Variants in GRHL2 observed in about 807,000 individuals in gnomAD.
GRHL2 encodes the protein grainyhead-like protein 2 homolog.
A neutral mutation model predicts 83.8 loss-of-function variants in GRHL2; 21 were observed. The ratio of observed to expected loss-of-function variants is 0.25; its 90% CI spans 0.18 to 0.36. GRHL2 has a LOEUF of 0.36. Among genes scored for constraint, GRHL2 ranks in the 10% least tolerant of loss-of-function variants. The pLI, the probability that GRHL2 is intolerant of heterozygous loss-of-function variation, is 1.00. For synonymous variants in GRHL2, 280 were observed against 278.9 expected, an observed-to-expected ratio of 1.00 and a Z score of -0.04; for missense variants, 623 against 781.8, an observed-to-expected ratio of 0.80 and a Z score of 2.42.
chr8:101,672,046 C>G (rs918520613), downstream of GRHL2, among the ~76,000 whole-genome samples: 6 of 151,712 alleles, frequency 4.0e-5, no homozygotes, highest in East Asian at 1.9e-4. Context: ...CACCAAAAAC[C>G]CTTCTGTACG....
At chr8:101,675,901 T>C in the GRHL2 span, among the ~76,000 whole-genome samples, 3 of 152,220 alleles carry the variant, frequency 2.0e-5, no homozygotes, top group East Asian at 3.9e-4. Flanking sequence ...TCAGAAATAA[T>C]GTCACATATC....
At chr8:101,551,473 TAGTC>T (rs930270218) in intron 2 of GRHL2, among the ~76,000 whole-genome samples, 1 of 152,028 alleles carries the variant, frequency 6.6e-6, no homozygotes, top group Non-Finnish European at 1.5e-5. Flanking sequence ...CTTGTGTACA[TAGTC>T]AGGTAAGTGG....
At chr8:101,512,327 T>C (rs1018427825) in intron 1 of GRHL2, among the ~76,000 whole-genome samples, 3 of 152,240 alleles carry the variant, frequency 2.0e-5, no homozygotes, top group Non-Finnish European at 4.4e-5. Context: ...TCTATTTATT[T>C]AAATCATCTT....
intron 3 of GRHL2, among the ~76,000 whole-genome samples, chr8:101,553,526 A>C (rs1029605595): frequency 2.6e-5 from 4 of 152,048 alleles, no homozygotes; most frequent in Non-Finnish European, 5.9e-5. Flanking sequence ...CTGGAGGGTG[A>C]ATCCCCTCTC....
chr8:101,595,565 A>G (rs1052306821), intron 7 of GRHL2, among the ~76,000 whole-genome samples: 32 of 152,328 alleles, frequency 2.1e-4, no homozygotes, highest in African/African-American at 7.7e-4. Context: ...TCTAAATTCA[A>G]CAGTCTTCTT....
chr8:101,631,839 G>T (rs1369959304), intron 10 of GRHL2, 115 bp downstream of exon 10: 1 of 855,420 alleles, frequency 1.2e-6, no homozygotes, highest in Non-Finnish European at 2.0e-6. Context: ...GCAAGGCATG[G>T]TTTGCTTTCC....
intron 1 of GRHL2, among the ~76,000 whole-genome samples, chr8:101,516,264 T>C (rs1292707053): frequency 6.6e-6 from 1 of 152,158 alleles, no homozygotes; most frequent in African/African-American, 2.4e-5. Flanking sequence ...TCTTAAAATA[T>C]AATTTTAATT....
intron 8 of GRHL2, among the ~76,000 whole-genome samples, chr8:101,617,780 C>T (rs1410379942): frequency 6.6e-6 from 1 of 152,186 alleles, no homozygotes; most frequent in African/African-American, 2.4e-5. Flanking sequence ...GCTGGGATTA[C>T]AGGCATGAGC....
intron 14 of GRHL2, among the ~76,000 whole-genome samples, chr8:101,652,383 T>TGA (rs775132262): frequency 1.5e-5 from 1 of 67,952 alleles, no homozygotes; most frequent in Non-Finnish European, 2.7e-5. Context: ...GATGTGTGTG[T>TGA]GGTGTGTGTG....
In GRHL2 at chr8:101,558,775, G is replaced by A. The variant is rs199931364; in HGVS notation, c.641G>A (p.Ser214Asn). The A allele has an allele frequency of 8.5e-5, 137 of 1,614,038 alleles. No individual in the cohort carries two copies. The highest frequency in any genetic ancestry group is 1.1e-4 in the Non-Finnish European group (128 of 1,180,046). ...LKDDQRSTPD[S>N]TYSESFKDAA... is the part of the protein sequence containing the mutation. ...GACGACCAGCGCAGCACTCCGGACA[G>A]CACATACAGCGAGAGCTTCAAGGAC... Residue 214 changes from serine (S) to asparagine (N), a missense_variant, in exon 4 of 16, where the codon AGC becomes AAC. Physicochemically the swap from Ser to Asn is conservative, Grantham distance 46. Transcript: ENST00000646743.
At chr8:101,577,588 C>G in intron 7 of GRHL2, 69 bp downstream of exon 7, 2 of 1,029,378 alleles carry the variant, frequency 1.9e-6, no homozygotes, top group Admixed American at 3.8e-5. Context: ...CCAAGGGGAG[C>G]CTGGCGTAGT....
At chr8:101,615,640 T>G (rs1257859397) in intron 8 of GRHL2, among the ~76,000 whole-genome samples, 2 of 152,216 alleles carry the variant, frequency 1.3e-5, no homozygotes, top group Non-Finnish European at 2.9e-5. Flanking sequence ...ACAACTGCAT[T>G]TTATACACTC....
At chr8:101,678,364 G>C in the GRHL2 span, among the ~76,000 whole-genome samples, 1 of 152,214 alleles carries the variant, frequency 6.6e-6, no homozygotes, top group East Asian at 1.9e-4. Flanking sequence ...CGAATACTGC[G>C]CTTTTCCGAC....
chr8:101,652,340 T>TGTGTGGTGTGTGTGTGTCTG (rs1813647084), intron 14 of GRHL2, among the ~76,000 whole-genome samples: 1 of 77,464 alleles, frequency 1.3e-5, no homozygotes, highest in African/African-American at 7.5e-5. Flanking sequence ...GGTGTGTGTG[T>TGTGTGGTGTGTGTGTGTCTG]ATGTGTGTGG....
rs1324206405 is a variant in GRHL2, at chr8:101,535,257, G to A, written c.21-7984G>A. Among the ~76,000 whole-genome samples, 3 of 152,190 alleles carry A rather than the reference G, an allele frequency of 2.0e-5. No individual in the cohort carries two copies. The East Asian group carries it at 5.8e-4, about 29-fold the overall frequency. On this transcript the variant is annotated intron_variant, in intron 1 of 15. Transcript: ENST00000646743. ...AGATGTAAGAGCCTAAGGCCAGTCT[G>A]AGTGTGTAGGTGTGTTAATTTACTC...
At position 101,664,510 on chromosome 8, in the gene GRHL2, C is replaced by T. The variant is rs1243691043; in HGVS notation, c.1755C>T (p.Ser585=). ...VEKIAKLYKK[S]KKGILVNMDD... is the part of the protein sequence containing the mutation. ...AGATAGCAAAGCTTTACAAGAAAAG[C>T]AAAAAAGGGTAAGAAAGAAACTGAA... is the stretch of plus-strand genomic sequence containing the variant. The change falls in exon 15 of 16, where the codon AGC becomes AGT. Residue 585 remains serine (S), a synonymous_variant. Coordinates refer to ENST00000646743, the MANE Select transcript of GRHL2 (RefSeq NM_024915.4). The T allele has an allele frequency of 3.7e-6, 6 of 1,605,778 alleles. No homozygotes were observed. Among genetic ancestry groups the T allele is most frequent in the Non-Finnish European group, 4.3e-6 (5 of 1,175,618 alleles).
chr8:101,612,600 A>G (rs1316662191), intron 8 of GRHL2, among the ~76,000 whole-genome samples: 2 of 150,900 alleles, frequency 1.3e-5, no homozygotes, highest in East Asian at 3.8e-4. Context: ...TTGATGCTCA[A>G]TTTATGATTG....
At chr8:101,540,837 C>A (rs1811137763) in intron 1 of GRHL2, among the ~76,000 whole-genome samples, 1 of 151,650 alleles carries the variant, frequency 6.6e-6, no homozygotes, top group African/African-American at 2.4e-5. Flanking sequence ...CTATATTTTT[C>A]ATTTCAATAG....
intron 7 of GRHL2, among the ~76,000 whole-genome samples, chr8:101,593,972 G>T (rs1812337309): frequency 6.7e-6 from 1 of 150,280 alleles, no homozygotes. Context: ...GGGAGGCTGA[G>T]GCAGAGGAAT....
Sources: allele counts gnomAD v4.1 joint callset (sites outside exome capture counted in the v4.1 genomes callset), GRCh38; gene constraint gnomAD v4.1.1; transcripts MANE v1.5; gene names NCBI Gene and HGNC (gene_info 2026-07-23, HGNC 2026-07-21).